POU6F2: variants seen among roughly 807,000 people sequenced by gnomAD.
The protein encoded by POU6F2 is POU domain, class 6, transcription factor 2.
A neutral mutation model predicts 71.3 loss-of-function variants in POU6F2; 31 were observed. That is an observed-to-expected ratio of 0.43 (90% confidence interval 0.33 to 0.59). The LOEUF (loss-of-function observed/expected upper bound fraction) is 0.59. Among genes scored for constraint, POU6F2 ranks in the 20% least tolerant of loss-of-function variants. The pLI is 0.04. For missense variants in POU6F2, 783 were observed against 856.8 expected, an observed-to-expected ratio of 0.91 and a Z score of 1.07; for synonymous variants, 347 against 355.7, an observed-to-expected ratio of 0.98 and a Z score of 0.27.
chr7:39,128,228 A>T (rs777764398), intron 2 of POU6F2, among the ~76,000 whole-genome samples: 1 of 152,204 alleles, frequency 6.6e-6, no homozygotes, highest in African/African-American at 2.4e-5. Flanking sequence ...GTATATGTAT[A>T]TGCATACTTT....
chr7:39,214,677 A>G (rs1023855716), intron 4 of POU6F2, among the ~76,000 whole-genome samples: 1 of 152,216 alleles, frequency 6.6e-6, no homozygotes, highest in East Asian at 1.9e-4. Flanking sequence ...TACTTGTAAA[A>G]GGTGCTCAAG....
At chr7:39,286,793 C>T (rs1461787336) in intron 4 of POU6F2, among the ~76,000 whole-genome samples, 1 of 152,054 alleles carries the variant, frequency 6.6e-6, no homozygotes, top group Non-Finnish European at 1.5e-5. Flanking sequence ...GACAGGGTCT[C>T]GCTCTGTCTC....
chr7:39,026,950 T>A (rs1245202686), intron 1 of POU6F2, among the ~76,000 whole-genome samples: 1 of 152,078 alleles, frequency 6.6e-6, no homozygotes, highest in African/African-American at 2.4e-5. Flanking sequence ...AGAAGTCAAG[T>A]GTCTCCTCTG....
At chr7:39,098,009 T>C (rs1791487633) in intron 2 of POU6F2, among the ~76,000 whole-genome samples, 1 of 152,184 alleles carries the variant, frequency 6.6e-6, no homozygotes, top group African/African-American at 2.4e-5. Flanking sequence ...TTGTGACAAA[T>C]GACATTAGCA....
chr7:39,442,572 G>A (rs1788429323), intron 7 of POU6F2, among the ~76,000 whole-genome samples: 1 of 152,022 alleles, frequency 6.6e-6, no homozygotes, highest in Admixed American at 6.5e-5. Flanking sequence ...TCTCTCAGCT[G>A]GTTTATTTAT....
At chr7:39,416,814 T>TAAAAA (rs531942673) in intron 6 of POU6F2, among the ~76,000 whole-genome samples, 30 of 142,490 alleles carry the variant, frequency 2.1e-4, no homozygotes, top group African/African-American at 7.2e-4. Flanking sequence ...GTTAAAAATG[T>TAAAAA]AAAAAAAAAA....
intron 7 of POU6F2, among the ~76,000 whole-genome samples, chr7:39,439,620 G>C (rs963573505): frequency 2.6e-5 from 4 of 152,170 alleles, no homozygotes; most frequent in African/African-American, 9.7e-5. Flanking sequence ...CTCCCGAGTA[G>C]CTGGGATTAC....
At chr7:39,044,765 A>G (rs541703835) in intron 1 of POU6F2, among the ~76,000 whole-genome samples, 2 of 151,956 alleles carry the variant, frequency 1.3e-5, no homozygotes, top group Non-Finnish European at 2.9e-5. Flanking sequence ...TGCAGAAAAA[A>G]CATGTTCAAG....
Position 39,464,749 on chromosome 7 carries a change from C to A in POU6F2, c.*63C>A. On this transcript the variant is annotated 3_prime_UTR_variant, in exon 10 of 10. Transcript: ENST00000518318. This position sits in a 1 kb window ranked among gnomAD's most constrained non-coding sequence, Gnocchi z 4.1. ...AAACTAAACTCCACCCTTGGGACTCCACAACAACAACAACAACAAAATTTA... is the reference window on the plus strand; with the variant it reads ...AAACTAAACTCCACCCTTGGGACTCAACAACAACAACAACAACAAAATTTA... The A allele has an allele frequency of 6.8e-7, 1 of 1,461,358 alleles. No homozygotes were observed. 90.5% of individuals were successfully genotyped at this position (1,461,358 alleles called of 1,614,324 possible). A position where few individuals can be genotyped will look rare whatever the true frequency, so the allele number is the denominator to read the frequency against.
intron 1 of POU6F2, among the ~76,000 whole-genome samples, chr7:39,061,041 G>T (rs1373495144): frequency 6.6e-6 from 1 of 151,282 alleles, no homozygotes; most frequent in Non-Finnish European, 1.5e-5. Context: ...TAAATACAAA[G>T]AAATCTTACC....
At chr7:39,282,501 C>T (rs866064811) in intron 4 of POU6F2, among the ~76,000 whole-genome samples, 1 of 151,968 alleles carries the variant, frequency 6.6e-6, no homozygotes, top group Non-Finnish European at 1.5e-5. Context: ...TTCTGCATGG[C>T]GATATCTAGT....
At chr7:39,138,448 C>G (rs1379202198) in intron 2 of POU6F2, among the ~76,000 whole-genome samples, 1 of 152,190 alleles carries the variant, frequency 6.6e-6, no homozygotes. Context: ...TCATCACTCA[C>G]ATTACCACCT....
intron 1 of POU6F2, among the ~76,000 whole-genome samples, chr7:39,028,957 A>G (rs1584507719): frequency 6.6e-6 from 1 of 152,070 alleles, no homozygotes; most frequent in African/African-American, 2.4e-5. Context: ...CTATACCTAT[A>G]GCTGGGACTA....
At chr7:38,986,712 A>G (rs1788472924) in intron 1 of POU6F2, among the ~76,000 whole-genome samples, 1 of 152,182 alleles carries the variant, frequency 6.6e-6, no homozygotes, top group African/African-American at 2.4e-5. Context: ...CCATTGCAAT[A>G]GCACAGAATA....
intron 4 of POU6F2, among the ~76,000 whole-genome samples, chr7:39,306,082 C>G (rs1785042359): frequency 6.6e-6 from 1 of 152,112 alleles, no homozygotes; most frequent in South Asian, 2.1e-4. Flanking sequence ...AATCCTATAT[C>G]CATGAGCAAT....
intron 6 of POU6F2, among the ~76,000 whole-genome samples, chr7:39,416,013 T>C (rs921109369): frequency 6.6e-6 from 1 of 151,526 alleles, no homozygotes; most frequent in Admixed American, 6.6e-5. Context: ...TGTCACAAAC[T>C]CCAGAACCTT....
At chr7:39,276,644 A>G (rs1209449875) in intron 4 of POU6F2, among the ~76,000 whole-genome samples, 1 of 151,892 alleles carries the variant, frequency 6.6e-6, no homozygotes, top group African/African-American at 2.4e-5. Flanking sequence ...AAAGACTTGG[A>G]CCCAACCCAA....
At chr7:39,122,703 T>TA (rs1364268946) in intron 2 of POU6F2, among the ~76,000 whole-genome samples, 1 of 144,600 alleles carries the variant, frequency 6.9e-6, no homozygotes, top group East Asian at 2.0e-4. Context: ...TATGCATGCC[T>TA]ATTTTTTTTT....
chr7:39,262,062 A>G (rs566297387), intron 4 of POU6F2, among the ~76,000 whole-genome samples: 2 of 152,320 alleles, frequency 1.3e-5, no homozygotes, highest in South Asian at 2.1e-4. Context: ...AACAAAAAAA[A>G]GTTGCTCAAT....
Sources: gnomAD v4.1 joint callset for allele counts (sites outside exome capture counted in the v4.1 genomes callset) on GRCh38, gnomAD v4.1.1 for gene constraint, Gnocchi (gnomAD v3.1) non-coding constraint, MANE v1.5 for transcripts, NCBI Gene and HGNC (gene_info 2026-07-23, HGNC 2026-07-21) for gene names.